The following ARHGAP20 variants were observed in gnomAD, a reference collection of about 807,000 sequenced individuals.
ARHGAP20 encodes the protein rho GTPase-activating protein 20.
Under a neutral mutation model 73.7 loss-of-function variants are expected in ARHGAP20, and 34 were observed. The ratio of observed to expected loss-of-function variants is 0.46; its 90% CI spans 0.35 to 0.61. The LOEUF (loss-of-function observed/expected upper bound fraction) is 0.61. Among genes scored for constraint, ARHGAP20 ranks in the 20% least tolerant of loss-of-function variants. The probability of loss-of-function intolerance (pLI) is 0.00; values close to 1 mark genes in which losing one functional copy is unlikely to be tolerated. For missense variants in ARHGAP20, 1,314 were observed against 1,420.9 expected (o/e 0.92, Z 1.21); for synonymous variants, 523 against 518.2 (o/e 1.01, Z -0.13).
intron 3 of ARHGAP20, 109 bp downstream of exon 3, chr11:110,630,519 A>T: frequency 1.7e-6 from 2 of 1,167,610 alleles, no homozygotes; most frequent in Non-Finnish European, 2.4e-6. Context: ...GATATTACCT[A>T]TAGTAACAAA....
intron 1 of ARHGAP20, among the ~76,000 whole-genome samples, chr11:110,699,983 A>G (rs189154895): frequency 4.6e-5 from 7 of 152,216 alleles, no homozygotes; most frequent in Admixed American, 4.6e-4. Context: ...TTTATTTTCA[A>G]TAACAATGCA....
chr11:110,707,863 GTT>G (rs67937014), intron 1 of ARHGAP20, among the ~76,000 whole-genome samples: 125 of 142,686 alleles, frequency 8.8e-4, no homozygotes, highest in African/African-American at 3.0e-3. Flanking sequence ...TCATTTTTTT[GTT>G]TTTTTTTTTG....
intron 8 of ARHGAP20, 32 bp from the exon 9 acceptor site, chr11:110,606,781 A>T (rs1274688396): frequency 6.7e-7 from 1 of 1,498,190 alleles, no homozygotes; most frequent in South Asian, 1.4e-5. Context: ...TGTAGACTTC[A>T]GGCTGACTGG....
chr11:110,680,032 C>G (rs1244275276), intron 2 of ARHGAP20, among the ~76,000 whole-genome samples: 1 of 152,152 alleles, frequency 6.6e-6, no homozygotes, highest in Non-Finnish European at 1.5e-5. Context: ...AAGACCTAAA[C>G]CTGGAACACT....
chr11:110,697,201 C>G (rs1950352842), intron 1 of ARHGAP20, among the ~76,000 whole-genome samples: 1 of 151,660 alleles, frequency 6.6e-6, no homozygotes, highest in Non-Finnish European at 1.5e-5. Context: ...AATTTACATT[C>G]CCATCAATAT....
At chr11:110,664,439 A>G (rs151105974) in intron 2 of ARHGAP20, among the ~76,000 whole-genome samples, 2,164 of 152,308 alleles carry the variant, frequency 0.014, 28 homozygotes, top group Non-Finnish European at 0.023. Flanking sequence ...CAAAAAAATG[A>G]AAGAAGGGGC....
chr11:110,685,458 A>G (rs1460936267), intron 2 of ARHGAP20, among the ~76,000 whole-genome samples: 1 of 151,788 alleles, frequency 6.6e-6, no homozygotes, highest in Non-Finnish European at 1.5e-5. Context: ...AATTACTTAG[A>G]GAAACCACCT....
intron 2 of ARHGAP20, 143 bp downstream of exon 2, chr11:110,690,404 T>C: frequency 2.7e-6 from 2 of 745,188 alleles, no homozygotes; most frequent in South Asian, 2.1e-5. Flanking sequence ...GAACAAAAGT[T>C]GTATTTTCTA....
intron 2 of ARHGAP20, among the ~76,000 whole-genome samples, chr11:110,662,697 A>G (rs1389688166): frequency 1.3e-5 from 2 of 151,998 alleles, no homozygotes; most frequent in Non-Finnish European, 2.9e-5. Flanking sequence ...TTTAATTTAA[A>G]CAAACATCTG....
chr11:110,660,061 C>CAAAAAAAAAAAAAAAAAAAAAAAAAAA (rs746439426), intron 2 of ARHGAP20, among the ~76,000 whole-genome samples: 1 of 69,248 alleles, frequency 1.4e-5, no homozygotes, highest in Non-Finnish European at 3.3e-5. Flanking sequence ...TAATAAAAAA[C>CAAAAAAAAAAAAAAAAAAAAAAAAAAA]AAAAAAAAAA....
intron 12 of ARHGAP20, among the ~76,000 whole-genome samples, chr11:110,584,905 GAATATA>G (rs1947586107): frequency 7.4e-6 from 1 of 135,866 alleles, no homozygotes. Flanking sequence ...GAATATATGT[GAATATA>G]TATATGAATA....
At chr11:110,673,133 A>G (rs1949862726) in intron 2 of ARHGAP20, among the ~76,000 whole-genome samples, 1 of 152,216 alleles carries the variant, frequency 6.6e-6, no homozygotes. Flanking sequence ...TAAGACAAAA[A>G]GAGGGATATT....
intron 11 of ARHGAP20, among the ~76,000 whole-genome samples, chr11:110,586,935 T>A (rs1947684253): frequency 6.6e-6 from 1 of 152,124 alleles, no homozygotes; most frequent in South Asian, 2.1e-4. Context: ...GAGAGAGCAT[T>A]TCAGGTGATG....
intron 1 of ARHGAP20, among the ~76,000 whole-genome samples, chr11:110,711,174 C>T (rs1319959932): frequency 3.9e-5 from 6 of 152,154 alleles, no homozygotes; most frequent in African/African-American, 7.2e-5. Context: ...GGAACCGTTC[C>T]AGCGAAACCT....
chr11:110,637,213 CTTAATCATAAA>C (rs1301218105), intron 2 of ARHGAP20, among the ~76,000 whole-genome samples: 1 of 151,972 alleles, frequency 6.6e-6, no homozygotes, highest in Non-Finnish European at 1.5e-5. Context: ...GACAGTGTTG[CTTAATCATAAA>C]TTACAAAGAA....
At chr11:110,588,214 C>T (rs1046704962) in intron 11 of ARHGAP20, among the ~76,000 whole-genome samples, 3 of 152,182 alleles carry the variant, frequency 2.0e-5, no homozygotes, top group Non-Finnish European at 2.9e-5. Flanking sequence ...ACTGCAATCA[C>T]CAGCTCACAG....
chr11:110,586,585 T>C (rs187758382), intron 11 of ARHGAP20, among the ~76,000 whole-genome samples: 138 of 152,318 alleles, frequency 9.1e-4, no homozygotes, highest in African/African-American at 3.2e-3. Context: ...TGAAACTTAC[T>C]GTTTGCATAT....
chr11:110,632,786 C>A (rs1040054168), intron 2 of ARHGAP20, among the ~76,000 whole-genome samples: 35 of 152,196 alleles, frequency 2.3e-4, no homozygotes, highest in African/African-American at 8.2e-4. Flanking sequence ...CATTGGTGAA[C>A]TGTCTTCAAA....
chr11:110,588,078 C>A (rs1324965807), intron 11 of ARHGAP20, among the ~76,000 whole-genome samples: 2 of 152,308 alleles, frequency 1.3e-5, no homozygotes, highest in East Asian at 1.9e-4. Flanking sequence ...ACATCATTAA[C>A]ATCTTAAACC....
Sources: gnomAD v4.1 joint callset for allele counts (sites outside exome capture counted in the v4.1 genomes callset) on GRCh38, gnomAD v4.1.1 for gene constraint, MANE v1.5 for transcripts, NCBI Gene and HGNC (gene_info 2026-07-23, HGNC 2026-07-21) for gene names.